OTUD7A: variants seen among roughly 807,000 people sequenced by gnomAD.
The protein encoded by OTUD7A is OTU domain-containing protein 7A.
A neutral mutation model predicts 65.7 loss-of-function variants in OTUD7A; 12 were observed. The ratio of observed to expected loss-of-function variants is 0.18; its 90% CI spans 0.12 to 0.30. The LOEUF (loss-of-function observed/expected upper bound fraction) is 0.30. OTUD7A is among the 10% of genes least tolerant of loss of function. The pLI is 1.00. For synonymous variants in OTUD7A, 641 were observed against 586.3 expected (o/e 1.09, Z -1.35); for missense variants, 1,148 against 1,304.8 (o/e 0.88, Z 1.85).
Position 31,753,662 on chromosome 15 carries a change from C to CAT in OTUD7A, c.-99-96587_-99-96586dup, listed in dbSNP as rs1206653117. Among the ~76,000 whole-genome samples the CAT allele has an allele frequency of 4.2e-4, 53 of 126,990 alleles. 2 individuals are homozygous for CAT. The Middle Eastern group carries it at 0.028, about 68-fold the overall frequency. 83.3% of individuals were successfully genotyped at this position (126,990 alleles called of 152,430 possible). ...TTTTTATGACTGAGTAGTATTCCAT[C>CAT]ATATATATATATATAACCTGTGAGA... On this transcript the variant is annotated intron_variant, in intron 1 of 12. Transcript: ENST00000307050.
At chr15:31,806,139 A>G (rs922366516) in intron 1 of OTUD7A, among the ~76,000 whole-genome samples, 2 of 152,230 alleles carry the variant, frequency 1.3e-5, no homozygotes, top group Non-Finnish European at 2.9e-5. Flanking sequence ...CTGGAAGTTT[A>G]TTCAGTCCAG....
chr15:31,808,141 AAATCCT>A (rs2140957375), intron 1 of OTUD7A, among the ~76,000 whole-genome samples: 1 of 49,578 alleles, frequency 2.0e-5, no homozygotes, highest in East Asian at 3.3e-4. Context: ...ACACACAAAC[AAATCCT>A]CACCAGGTTT....
At chr15:31,754,491 T>C (rs1894754080) in intron 1 of OTUD7A, among the ~76,000 whole-genome samples, 1 of 152,234 alleles carries the variant, frequency 6.6e-6, no homozygotes, top group African/African-American at 2.4e-5. Flanking sequence ...TATAGTTTCA[T>C]GTCTTAGATT....
intron 1 of OTUD7A, among the ~76,000 whole-genome samples, chr15:31,832,336 C>T (rs573309325): frequency 7.4e-4 from 112 of 152,258 alleles, no homozygotes; most frequent in African/African-American, 2.6e-3. Flanking sequence ...AGAGCACAGG[C>T]CCATCACAAC....
chr15:31,721,288 T>C (rs1413582248), intron 1 of OTUD7A, among the ~76,000 whole-genome samples: 5 of 152,262 alleles, frequency 3.3e-5, no homozygotes, highest in Admixed American at 2.6e-4. Context: ...GGTGCAATAT[T>C]TCAGTACAAG....
Position 31,745,999 on chromosome 15 carries a change from C to A in OTUD7A, c.-99-88922G>T, listed in dbSNP as rs74963706. On this transcript the variant is annotated intron_variant, in intron 1 of 12. Transcript: ENST00000307050. Reference sequence around the variant, plus strand: ...ACCTCAAACAGATACCACTTGATACCCACTAGAATGGCTAAAATTAACATC... The same window carrying A: ...ACCTCAAACAGATACCACTTGATACACACTAGAATGGCTAAAATTAACATC... 7.8e-3 allele frequency among the ~76,000 whole-genome samples: 1,185 copies of A among 152,050 alleles called. 17 individuals are homozygous for A. The highest frequency in any genetic ancestry group is 0.027 in the African/African-American group (1,120 of 41,480).
At chr15:31,802,139 G>GTATA (rs533544165) in intron 1 of OTUD7A, among the ~76,000 whole-genome samples, 1,970 of 135,116 alleles carry the variant, frequency 0.015, 25 homozygotes, top group Middle Eastern at 0.028. Context: ...GTGTGTGTGT[G>GTATA]TGTATATATA....
chr15:31,704,441 G>C (rs1032032647), intron 1 of OTUD7A, among the ~76,000 whole-genome samples: 1 of 135,322 alleles, frequency 7.4e-6, no homozygotes, highest in Admixed American at 7.9e-5. Flanking sequence ...GCTTTATTGG[G>C]CTTTCACATC....
rs927634599 is a variant in OTUD7A, at chr15:31,480,878, T to C, written c.*2416A>G. 1.6e-4 allele frequency: 24 copies of C among 152,234 alleles called. No individual in the cohort carries two copies. Among genetic ancestry groups the C allele is most frequent in the African/African-American group, 5.3e-4 (22 of 41,456 alleles). 9.4% of individuals were successfully genotyped at this position (152,234 alleles called of 1,614,324 possible). On this transcript the variant is annotated 3_prime_UTR_variant, in exon 13 of 13. Transcript: ENST00000307050. ...TCGTTACCACATTGAGAAGCTGGGG[T>C]GCAGGATGCAGCCAGTGGCTTTATC...
intron 8 of OTUD7A, among the ~76,000 whole-genome samples, chr15:31,518,063 C>T (rs191780768): frequency 7.6e-4 from 115 of 152,254 alleles, no homozygotes; most frequent in African/African-American, 2.7e-3. Context: ...GTTCACACAT[C>T]CCAAGTGGTT....
chr15:31,631,643 T>C (rs555603325), intron 3 of OTUD7A, among the ~76,000 whole-genome samples: 1 of 152,248 alleles, frequency 6.6e-6, no homozygotes, highest in Non-Finnish European at 1.5e-5. Flanking sequence ...CCTGCCTTGC[T>C]AGATTGGGGA....
chr15:31,735,164 A>C (rs904748811), intron 1 of OTUD7A, among the ~76,000 whole-genome samples: 7 of 152,226 alleles, frequency 4.6e-5, no homozygotes, highest in African/African-American at 1.7e-4. Context: ...ACTGATCATT[A>C]AAGACATGCA....
chr15:31,647,043 A>AT (rs1037436709), intron 3 of OTUD7A, among the ~76,000 whole-genome samples: 10 of 151,890 alleles, frequency 6.6e-5, no homozygotes, highest in African/African-American at 9.7e-5. Context: ...GTTTATTTTT[A>AT]TTTTTTTTGA....
At chr15:31,618,856 A>C (rs929809025) in intron 3 of OTUD7A, among the ~76,000 whole-genome samples, 1 of 152,142 alleles carries the variant, frequency 6.6e-6, no homozygotes, top group Non-Finnish European at 1.5e-5. Context: ...GCCCATGCCT[A>C]TGTCCTGAAT....
At chr15:31,589,440 C>T (rs1452886632) in intron 3 of OTUD7A, among the ~76,000 whole-genome samples, 1 of 148,576 alleles carries the variant, frequency 6.7e-6, no homozygotes, top group Admixed American at 6.7e-5. Flanking sequence ...GCTGGGACTA[C>T]AGGTGTCCAC....
rs775828068 is a variant in OTUD7A, at chr15:31,476,401, G to C, written c.*6893C>G. ...GTGTTTGGATTCCATTCCTGCAAGC[G>C]GGAAGAATGTGTGCAAAGAGCTGGA... On this transcript the variant is annotated 3_prime_UTR_variant, in exon 13 of 13. Transcript: ENST00000307050. 1 of 152,254 alleles carries C rather than the reference G, an allele frequency of 6.6e-6. No individual in the cohort carries two copies. The highest frequency in any genetic ancestry group is 2.4e-5 in the African/African-American group (1 of 41,448). The allele number at this position is 152,254 out of a possible 1,614,324, so 9.4% of individuals were successfully genotyped here. A position where few individuals can be genotyped will look rare whatever the true frequency, so the allele number is the denominator to read the frequency against.
At chr15:31,606,821 T>C (rs1013635357) in intron 3 of OTUD7A, among the ~76,000 whole-genome samples, 2 of 152,264 alleles carry the variant, frequency 1.3e-5, no homozygotes, top group Admixed American at 6.5e-5. Context: ...ATTAGTTATA[T>C]AATGCTGACA....
intron 1 of OTUD7A, among the ~76,000 whole-genome samples, chr15:31,745,005 T>C (rs1310445562): frequency 6.6e-6 from 1 of 152,098 alleles, no homozygotes; most frequent in Non-Finnish European, 1.5e-5. Context: ...AAAGGTGCCA[T>C]GGCTTTCTAC....
chr15:31,511,137 A>AACAC lies in OTUD7A; in HGVS notation c.894-7320_894-7319insGTGT, dbSNP rs1179377925. Among the ~76,000 whole-genome samples, 15 of 27,536 alleles carry AACAC rather than the reference A, an allele frequency of 5.4e-4. 3 individuals are homozygous for AACAC. The highest frequency in any genetic ancestry group is 1.9e-3 in the Admixed American group (3 of 1,560). The allele number at this position is 27,536 out of a possible 152,430, so 18.1% of individuals were successfully genotyped here. The stretch of plus-strand genomic sequence containing the variant: ...AACATACATATGTATATCTATATGT[A>AACAC]ACATACATATGTATATCTATATGTA... On this transcript the variant is annotated intron_variant, in intron 8 of 12. Transcript: ENST00000307050.
Sources: allele counts gnomAD v4.1 joint callset (sites outside exome capture counted in the v4.1 genomes callset), GRCh38; gene constraint gnomAD v4.1.1; transcripts MANE v1.5; gene names NCBI Gene and HGNC (gene_info 2026-07-23, HGNC 2026-07-21).